TRIM33: variants seen among roughly 807,000 people sequenced by gnomAD.
TRIM33 encodes the protein E3 ubiquitin-protein ligase TRIM33.
Under a neutral mutation model 125.4 loss-of-function variants are expected in TRIM33, and 20 were observed. The ratio of observed to expected loss-of-function variants is 0.16; its 90% CI spans 0.11 to 0.23. TRIM33 has a LOEUF of 0.23. Ranked by LOEUF, TRIM33 falls within the 10% of genes least tolerant of loss-of-function variation. The pLI is 1.00. For synonymous variants in TRIM33, 564 were observed against 513.9 expected, an observed-to-expected ratio of 1.10 and a Z score of -1.32; for missense variants, 920 against 1,411.4, an observed-to-expected ratio of 0.65 and a Z score of 5.58.
At chr1:114,426,973 T>A (rs1455862656) in intron 8 of TRIM33, among the ~76,000 whole-genome samples, 1 of 151,890 alleles carries the variant, frequency 6.6e-6, no homozygotes, top group African/African-American at 2.4e-5. Context: ...ATATACAGAG[T>A]AGACGCTCAA....
chr1:114,501,320 T>C (rs527959185), intron 1 of TRIM33, among the ~76,000 whole-genome samples: 3 of 152,058 alleles, frequency 2.0e-5, no homozygotes, highest in East Asian at 3.9e-4. Context: ...TTGATTAGGA[T>C]AGAGAATCTA....
chr1:114,468,466 A>C, intron 1 of TRIM33: 1 of 360,458 alleles, frequency 2.8e-6, no homozygotes, highest in Non-Finnish European at 5.5e-6. Context: ...CCAACTGGGG[A>C]CAAAGAATTG....
intron 13 of TRIM33, among the ~76,000 whole-genome samples, chr1:114,408,366 AT>A (rs1210544425): frequency 1.3e-5 from 2 of 152,148 alleles, no homozygotes; most frequent in Non-Finnish European, 2.9e-5. Context: ...ATCTCTACTG[AT>A]ATTAAAGAAT....
In TRIM33 at chr1:114,511,053, G is replaced by A. The variant is rs1193265730; in HGVS notation, c.24C>T (p.Gly8=). The A allele has an allele frequency of 7.7e-6, 10 of 1,303,404 alleles. No homozygotes were observed. Among genetic ancestry groups the A allele is most frequent in the Admixed American group, 3.4e-5 (1 of 29,394 alleles). The allele number at this position is 1,303,404 out of a possible 1,614,324, so 80.7% of individuals were successfully genotyped here. ...TGCCCCCGCCGCCGCTCTCAGCCTC[G>A]CCGCCGCCTTTGTTTTCCGCCATGT... is the stretch of plus-strand genomic sequence containing the variant. MAENKGG[G]EAESGGGGSG... Residue 8 remains glycine, a synonymous_variant, in exon 1 of 20, where the codon GGC becomes GGT. Transcript: ENST00000358465.
intron 16 of TRIM33, among the ~76,000 whole-genome samples, chr1:114,402,356 T>G (rs1651950264): frequency 6.6e-6 from 1 of 152,174 alleles, no homozygotes; most frequent in South Asian, 2.1e-4. Flanking sequence ...GAAATTATGA[T>G]GTAAGGTAAG....
chr1:114,397,189 AAAC>A lies in TRIM33; in HGVS notation c.*456_*458del, dbSNP rs1167568150. On this transcript the variant is annotated 3_prime_UTR_variant, in exon 20 of 20. Coordinates refer to ENST00000358465, the MANE Select transcript of TRIM33 (RefSeq NM_015906.4). ...TGAGCTACTTGGGTTTTTAACTAGA[AAAC>A]AACCTGATATGTATGTGTGTGAAGG... The A allele has an allele frequency of 4.3e-6, 1 of 231,610 alleles. No homozygotes were observed. Among genetic ancestry groups the A allele is most frequent in the Admixed American group, 5.2e-5 (1 of 19,060 alleles). 14.3% of individuals were successfully genotyped at this position (231,610 alleles called of 1,614,324 possible).
chr1:114,491,595 G>GA (rs1652068942), intron 1 of TRIM33, among the ~76,000 whole-genome samples: 2 of 152,140 alleles, frequency 1.3e-5, no homozygotes, highest in African/African-American at 4.8e-5. Context: ...CTTGAGTCCA[G>GA]AGTTCAAGAC....
intron 4 of TRIM33, among the ~76,000 whole-genome samples, chr1:114,458,336 A>G (rs1028941957): frequency 7.2e-5 from 11 of 152,156 alleles, no homozygotes; most frequent in African/African-American, 2.4e-4. Context: ...AACTTCCCCT[A>G]TAGATAAGAT....
intron 1 of TRIM33, among the ~76,000 whole-genome samples, chr1:114,493,488 T>C (rs1045120800): frequency 5.3e-5 from 8 of 152,236 alleles, no homozygotes; most frequent in Non-Finnish European, 5.9e-5. Flanking sequence ...TCTCACTATG[T>C]TGCCCAAGCT....
Position 114,510,900 on chromosome 1 carries a change from CGCGCCGCCCTCA to C in TRIM33, c.165_176del (p.Glu56_Ala59del). On this transcript the variant is annotated inframe_deletion, in exon 1 of 20. Coordinates refer to ENST00000358465, the MANE Select transcript of TRIM33 (RefSeq NM_015906.4). ...CCACCCCCCCGTCGTCGGGCCCGGC[CGCGCCGCCCTCA>C]GCGCCGGCCCTGCCGCCTTCCTCCT... 1 of 1,424,788 alleles carries C rather than the reference CGCGCCGCCCTCA, an allele frequency of 7.0e-7. No individual in the cohort carries two copies. Among genetic ancestry groups the C allele is most frequent in the Non-Finnish European group, 9.1e-7 (1 of 1,096,982 alleles). The allele number at this position is 1,424,788 out of a possible 1,614,324, so 88.3% of individuals were successfully genotyped here.
At chr1:114,449,194 C>G (rs1198714521) in intron 4 of TRIM33, among the ~76,000 whole-genome samples, 1 of 151,978 alleles carries the variant, frequency 6.6e-6, no homozygotes, top group East Asian at 1.9e-4. Context: ...GTATCTCATA[C>G]CTCCAGGCCC....
chr1:114,401,480 A>G lies in TRIM33; in HGVS notation c.2893-17T>C, dbSNP rs779829627. The G allele has an allele frequency of 1.9e-6, 3 of 1,603,674 alleles. No individual in the cohort carries two copies. The Admixed American group carries it at 5.0e-5, about 27-fold the overall frequency. On this transcript the variant is annotated splice_polypyrimidine_tract_variant and intron_variant, in intron 16 of 19. Transcript: ENST00000358465. ...TTCACATTTCTGGCCCAAACAAGGA[A>G]AGGAAAGCACATGAAATATTTTTCT...
chr1:114,426,456 A>C (rs1371110836), intron 8 of TRIM33, among the ~76,000 whole-genome samples: 2 of 152,108 alleles, frequency 1.3e-5, no homozygotes, highest in African/African-American at 4.8e-5. Context: ...GTCAGAACTA[A>C]GGCTATAGCT....
intron 1 of TRIM33, among the ~76,000 whole-genome samples, chr1:114,493,512 T>C (rs560633741): frequency 6.6e-6 from 1 of 152,202 alleles, no homozygotes; most frequent in South Asian, 2.1e-4. Flanking sequence ...CTCAAAATCC[T>C]GGCCCCAAGC....
At chr1:114,461,258 TTATA>T (rs1231564297) in intron 4 of TRIM33, among the ~76,000 whole-genome samples, 2 of 146,300 alleles carry the variant, frequency 1.4e-5, no homozygotes, top group African/African-American at 5.0e-5. Context: ...ATTTTATATT[TTATA>T]TATATTATAT....
chr1:114,484,955 G>A (rs1651580624), intron 1 of TRIM33, among the ~76,000 whole-genome samples: 1 of 152,024 alleles, frequency 6.6e-6, no homozygotes. Context: ...GGGAGGCTGA[G>A]ACACGAAAAT....
chr1:114,510,776 G>C lies in TRIM33; in HGVS notation c.301C>G (p.Pro101Ala), dbSNP rs1193209882. 11 of 1,520,750 alleles carry C rather than the reference G, an allele frequency of 7.2e-6. No homozygotes were observed. The East Asian group carries it at 2.5e-4, about 35-fold the overall frequency. The allele number at this position is 1,520,750 out of a possible 1,614,324, so 94.2% of individuals were successfully genotyped here. A position where few individuals can be genotyped will look rare whatever the true frequency, so the allele number is the denominator to read the frequency against. The change falls in exon 1 of 20, where the codon CCA becomes GCA. Residue 101 changes from proline to alanine, a missense_variant. Pro to Ala is a conservative substitution (Grantham distance 27). Coordinates refer to ENST00000358465, the MANE Select transcript of TRIM33 (RefSeq NM_015906.4). ...GGACCCGGAGCGGGAGCCGAGGCTG[G>C]AGCTGGAGCCGGCGTCGATACTGCG... is the stretch of plus-strand genomic sequence containing the variant. The part of the protein sequence containing the change: ...GGAVSTPAPA[P>A]ASAPAPGPSA...
chr1:114,407,350 A>ACACG (rs1184777620), intron 13 of TRIM33, among the ~76,000 whole-genome samples: 1 of 152,130 alleles, frequency 6.6e-6, no homozygotes, highest in African/African-American at 2.4e-5. Flanking sequence ...TTCTTCACAC[A>ACACG]CACACACGCA....
At chr1:114,507,865 C>T (rs1028253989) in intron 1 of TRIM33, among the ~76,000 whole-genome samples, 6 of 152,214 alleles carry the variant, frequency 3.9e-5, no homozygotes, top group Non-Finnish European at 8.8e-5. Context: ...GCCTGTAATC[C>T]CAGGACTTTG....
Sources: gnomAD v4.1 joint callset for allele counts (sites outside exome capture counted in the v4.1 genomes callset) on GRCh38, gnomAD v4.1.1 for gene constraint, MANE v1.5 for transcripts, NCBI Gene and HGNC (gene_info 2026-07-23, HGNC 2026-07-21) for gene names.